Variants in COL26A1 observed in about 807,000 individuals in gnomAD.
COL26A1 encodes the protein collagen type XXVI alpha 1 chain.
A neutral mutation model predicts 59.3 loss-of-function variants in COL26A1; 41 were observed. That is an observed-to-expected ratio of 0.69 (90% CI 0.54 to 0.90). COL26A1 has a LOEUF of 0.90. Ranked by LOEUF, COL26A1 falls within the 40% of genes least tolerant of loss-of-function variation. The pLI is 0.00. For missense variants in COL26A1, 612 were observed against 602.3 expected (o/e 1.02, Z -0.17); for synonymous variants, 266 against 256.0 (o/e 1.04, Z -0.37).
rs1274338307 is a variant in COL26A1, at chr7:101,394,607, G to A, written c.159-25370G>A. Among the ~76,000 whole-genome samples, 6 of 99,696 alleles carry A rather than the reference G, an allele frequency of 6.0e-5. No individual in the cohort carries two copies. The East Asian group carries it at 1.5e-3, about 25-fold the overall frequency. The allele number at this position is 99,696 out of a possible 152,430, so 65.4% of individuals were successfully genotyped here. A position where few individuals can be genotyped will look rare whatever the true frequency, so the allele number is the denominator to read the frequency against. ...TTTCTTTTTTTTTTTTTTTTTTGTA[G>A]AGATGGGGTCTCGCTATGTTGCTCA... is the stretch of plus-strand genomic sequence containing the variant. On this transcript the variant is annotated intron_variant, in intron 1 of 12. Coordinates refer to ENST00000313669, the MANE Select transcript of COL26A1 (RefSeq NM_001278563.3).
intron 1 of COL26A1, among the ~76,000 whole-genome samples, chr7:101,385,013 C>T (rs901945392): frequency 6.6e-6 from 1 of 152,032 alleles, no homozygotes; most frequent in Non-Finnish European, 1.5e-5. Flanking sequence ...CTGGAAGACT[C>T]AGCAAGTCAG....
chr7:101,434,055 TCCC>T (rs1792845081), intron 2 of COL26A1, among the ~76,000 whole-genome samples: 2 of 21,656 alleles, frequency 9.2e-5, no homozygotes, highest in East Asian at 2.4e-3. Flanking sequence ...CCTCCCTCCC[TCCC>T]TCCCTCCCTC....
At chr7:101,463,197 T>C (rs1793655369) in intron 3 of COL26A1, among the ~76,000 whole-genome samples, 1 of 152,224 alleles carries the variant, frequency 6.6e-6, no homozygotes, top group African/African-American at 2.4e-5. Context: ...CACATTGTAA[T>C]AAATCTCCAC....
At chr7:101,482,301 G>T (rs1254566151) in intron 3 of COL26A1, among the ~76,000 whole-genome samples, 1 of 152,210 alleles carries the variant, frequency 6.6e-6, no homozygotes, top group East Asian at 1.9e-4. Context: ...AGCCACCACC[G>T]CGCCTGGCCT....
chr7:101,374,126 C>T (rs1183778738), intron 1 of COL26A1, among the ~76,000 whole-genome samples: 1 of 152,206 alleles, frequency 6.6e-6, no homozygotes, highest in Non-Finnish European at 1.5e-5. Flanking sequence ...GCTGTTCTGC[C>T]CTCCGAGTTG....
chr7:101,529,970 C>T (rs1335874361), intron 3 of COL26A1, among the ~76,000 whole-genome samples: 3 of 152,084 alleles, frequency 2.0e-5, no homozygotes, highest in Non-Finnish European at 4.4e-5. Flanking sequence ...CAGCCCTGAC[C>T]CTCTCCCCAC....
chr7:101,413,846 C>T (rs146563891), intron 1 of COL26A1, among the ~76,000 whole-genome samples: 186 of 152,208 alleles, frequency 1.2e-3, no homozygotes, highest in East Asian at 7.0e-3. Flanking sequence ...CCAGGAGGGT[C>T]GTGAAAGGGA....
intron 3 of COL26A1, among the ~76,000 whole-genome samples, chr7:101,509,253 C>T (rs1207116604): frequency 4.6e-5 from 7 of 151,734 alleles, no homozygotes; most frequent in Non-Finnish European, 1.0e-4. Context: ...GAGACCAGCC[C>T]GGCCAACATG....
intron 2 of COL26A1, among the ~76,000 whole-genome samples, chr7:101,427,447 A>C (rs531227292): frequency 6.6e-6 from 1 of 151,516 alleles, no homozygotes; most frequent in Non-Finnish European, 1.5e-5. Context: ...AGATCATTTG[A>C]GGTCAGGAGT....
chr7:101,362,874 C>G (rs1291832667), upstream of COL26A1: 2 of 666,992 alleles, frequency 3.0e-6, no homozygotes, highest in Non-Finnish European at 4.7e-6. Flanking sequence ...GAGGCGTGGG[C>G]GCCCCCCACA....
At chr7:101,374,560 C>A (rs911137535) in intron 1 of COL26A1, among the ~76,000 whole-genome samples, 1 of 152,108 alleles carries the variant, frequency 6.6e-6, no homozygotes, top group African/African-American at 2.4e-5. Context: ...GAGCTCCAGC[C>A]CTGTTGTAAA....
rs1795754061 is a variant in COL26A1 at position 101,547,179 on chromosome 7, G to A, written c.880G>A (p.Ala294Thr). The A allele has an allele frequency of 6.3e-7, 1 of 1,598,170 alleles. No homozygotes were observed. Among genetic ancestry groups the A allele is most frequent in the Admixed American group, 1.7e-5 (1 of 58,252 alleles). ...AGATGGAGACTCAAGGCTGGCCTCT[G>A]CCATCGTGGACACAGTGCTGGCAGG... ...KDNGDSRLAS[A>T]IVDTVLAGVP... The change falls in exon 8 of 13, where the codon GCC (alanine) becomes ACC (threonine). Residue 294 changes from alanine (A) to threonine (T), a missense_variant. Coordinates refer to ENST00000313669, the MANE Select transcript of COL26A1 (RefSeq NM_001278563.3).
At chr7:101,376,152 A>G (rs957454204) in intron 1 of COL26A1, among the ~76,000 whole-genome samples, 2 of 148,276 alleles carry the variant, frequency 1.3e-5, no homozygotes, top group African/African-American at 2.5e-5. Context: ...AAAAAAAAAA[A>G]AGAATAGAAA....
In COL26A1 at chr7:101,362,962, GTCCGGGCGCCGGTGCGC is replaced by G; in HGVS notation, c.-67_-51del. Reference sequence around the variant, plus strand: ...GCTCCCGGCCGGTGCCGCGGGTTCGGTCCGGGCGCCGGTGCGCTCCTGCCGGTCCTCGTGCCCGGGAC... The same window carrying G: ...GCTCCCGGCCGGTGCCGCGGGTTCGGTCCTGCCGGTCCTCGTGCCCGGGAC... On this transcript the variant is annotated 5_prime_UTR_variant, in exon 1 of 13. Transcript: ENST00000313669. 1.4e-6 allele frequency: 2 copies of G among 1,472,294 alleles called. No individual in the cohort carries two copies. Among genetic ancestry groups the G allele is most frequent in the East Asian group, 2.7e-5 (1 of 37,602 alleles). The allele number at this position is 1,472,294 out of a possible 1,614,324, so 91.2% of individuals were successfully genotyped here.
At position 101,367,290 on chromosome 7, in the gene COL26A1, G is replaced by A. The variant is rs545785444; in HGVS notation, c.158+4100G>A. Among the ~76,000 whole-genome samples the A allele has an allele frequency of 2.0e-5, 3 of 152,276 alleles. No homozygotes were observed. In the South Asian group the frequency reaches 6.2e-4, roughly 32 times the overall value. Reference sequence around the variant, plus strand: ...CTATCCTCCAATGTGGTGGTATTTGGAGGGGGGACCTTTGGAGGTAACTAG... The same window carrying A: ...CTATCCTCCAATGTGGTGGTATTTGAAGGGGGGACCTTTGGAGGTAACTAG... On this transcript the variant is annotated intron_variant, in intron 1 of 12. Transcript: ENST00000313669.
At chr7:101,380,891 T>C (rs199876844) in intron 1 of COL26A1, among the ~76,000 whole-genome samples, 1 of 152,322 alleles carries the variant, frequency 6.6e-6, no homozygotes, top group East Asian at 1.9e-4. Flanking sequence ...CATGAGTGGT[T>C]ATCTTCCCAG....
chr7:101,532,544 C>T (rs1217331354), intron 3 of COL26A1, among the ~76,000 whole-genome samples: 3 of 152,134 alleles, frequency 2.0e-5, no homozygotes, highest in Non-Finnish European at 4.4e-5. Flanking sequence ...TGAACCTGGC[C>T]AGCTATTGTG....
chr7:101,431,471 G>T (rs1167915088), intron 2 of COL26A1, among the ~76,000 whole-genome samples: 1 of 151,980 alleles, frequency 6.6e-6, no homozygotes, highest in Non-Finnish European at 1.5e-5. Flanking sequence ...TGTTGCGTAG[G>T]CTGGTCTTGA....
At chr7:101,387,719 C>T (rs10245815) in intron 1 of COL26A1, among the ~76,000 whole-genome samples, 7,006 of 115,500 alleles carry the variant, frequency 0.061, 505 homozygotes, top group African/African-American at 0.17. Context: ...TATTTTTTAA[C>T]ATATATTTTA....
Sources: allele counts gnomAD v4.1 joint callset (sites outside exome capture counted in the v4.1 genomes callset), GRCh38; gene constraint gnomAD v4.1.1; transcripts MANE v1.5; gene names NCBI Gene and HGNC (gene_info 2026-07-23, HGNC 2026-07-21).